Variants in FLRT1 observed in about 807,000 individuals in gnomAD.
FLRT1 encodes fibronectin leucine rich transmembrane protein 1, also known as leucine-rich repeat transmembrane protein FLRT1.
Under a neutral mutation model 30.9 loss-of-function variants are expected in FLRT1, and 14 were observed. The observed-to-expected ratio is 0.45, with a 90% CI of 0.30 to 0.71. FLRT1 has a LOEUF of 0.71. Ranked by LOEUF, FLRT1 falls within the 30% of genes least tolerant of loss-of-function variation. The pLI is 0.08. For synonymous variants in FLRT1, 368 were observed against 430.4 expected, an observed-to-expected ratio of 0.85 and a Z score of 1.80; for missense variants, 737 against 949.2, an observed-to-expected ratio of 0.78 and a Z score of 2.94.
rs534467265 is a variant in FLRT1, at chr11:64,102,370, C to A, written c.-1037-824C>A. ...CTGCGGGTGTTGAGGACTGACCCCCCACCTAGGAAGTGGGGTGGGCACCAG... is the reference window on the plus strand; with the variant it reads ...CTGCGGGTGTTGAGGACTGACCCCCAACCTAGGAAGTGGGGTGGGCACCAG... On this transcript the variant is annotated intron_variant, in intron 1 of 2. Coordinates refer to ENST00000682287, the MANE Select transcript of FLRT1 (RefSeq NM_013280.5). 2.6e-5 allele frequency among the ~76,000 whole-genome samples: 4 copies of A among 152,252 alleles called. No homozygotes were observed. In the South Asian group the frequency reaches 6.2e-4, roughly 24 times the overall value.
At chr11:64,077,610 G>C (rs560332586) in intron 1 of FLRT1, among the ~76,000 whole-genome samples, 2 of 152,084 alleles carry the variant, frequency 1.3e-5, no homozygotes, top group African/African-American at 4.8e-5. Context: ...ACAGACTGAC[G>C]GGCACACACG....
chr11:64,080,146 G>A (rs1234165733), intron 1 of FLRT1, among the ~76,000 whole-genome samples: 1 of 152,174 alleles, frequency 6.6e-6, no homozygotes, highest in Non-Finnish European at 1.5e-5. Flanking sequence ...CCGAGTAGCG[G>A]GGATTACAGG....
intron 1 of FLRT1, among the ~76,000 whole-genome samples, chr11:64,083,597 C>T (rs906858235): frequency 1.3e-5 from 2 of 152,142 alleles, no homozygotes; most frequent in East Asian, 1.9e-4. Flanking sequence ...CTTTCGAGAA[C>T]GAGCCGGGAA....
At chr11:64,045,330 A>G (rs1943563868) in intron 1 of FLRT1, among the ~76,000 whole-genome samples, 1 of 152,208 alleles carries the variant, frequency 6.6e-6, no homozygotes, top group Non-Finnish European at 1.5e-5. Flanking sequence ...CTGGAATCCT[A>G]TTAAAAGCTT....
At chr11:64,079,073 G>A (rs1354046283) in intron 1 of FLRT1, among the ~76,000 whole-genome samples, 1 of 152,092 alleles carries the variant, frequency 6.6e-6, no homozygotes, top group Non-Finnish European at 1.5e-5. Context: ...CGGGGGCGGT[G>A]GGGAGGCGCT....
chr11:64,101,333 G>C (rs1944667238), intron 1 of FLRT1, among the ~76,000 whole-genome samples: 1 of 152,182 alleles, frequency 6.6e-6, no homozygotes, highest in Non-Finnish European at 1.5e-5. Context: ...TCAGGATAAA[G>C]CCGAGAAGCT....
chr11:64,071,447 G>A (rs761825217), intron 1 of FLRT1, among the ~76,000 whole-genome samples: 3 of 152,184 alleles, frequency 2.0e-5, no homozygotes, highest in Non-Finnish European at 4.4e-5. Flanking sequence ...TAACTGGTAT[G>A]GCCAGGGCTG....
intron 1 of FLRT1, among the ~76,000 whole-genome samples, chr11:64,078,259 C>G (rs1944240053): frequency 6.6e-6 from 1 of 152,182 alleles, no homozygotes; most frequent in South Asian, 2.1e-4. Context: ...CAGGTGTGCT[C>G]TCAGCACAGG....
intron 1 of FLRT1, among the ~76,000 whole-genome samples, chr11:64,059,674 TG>T (rs1237383988): frequency 6.6e-6 from 1 of 152,092 alleles, no homozygotes; most frequent in Non-Finnish European, 1.5e-5. Flanking sequence ...GTGGTGCAGA[TG>T]GGGAAACTGA....
chr11:64,074,633 G>A (rs1944169298), intron 1 of FLRT1, among the ~76,000 whole-genome samples: 2 of 152,224 alleles, frequency 1.3e-5, no homozygotes, highest in Non-Finnish European at 1.5e-5. Flanking sequence ...TTTCCCCAAG[G>A]GGGGCTGTGC....
rs537905459 is a variant in FLRT1, at chr11:64,096,225, C to G, written c.-1037-6969C>G. The stretch of plus-strand genomic sequence containing the variant: ...GCACTGTGACGGGCAGGCAGGGGGT[C>G]GAACAGCCACTGTTCTGCCGACAAA... On this transcript the variant is annotated intron_variant, in intron 1 of 2. Coordinates refer to ENST00000682287, the MANE Select transcript of FLRT1 (RefSeq NM_013280.5). This position sits in a 1 kb window ranked among gnomAD's most constrained non-coding sequence, Gnocchi z 4.6. Among the ~76,000 whole-genome samples the G allele has an allele frequency of 6.6e-6, 1 of 152,198 alleles. No homozygotes were observed. Among genetic ancestry groups the G allele is most frequent in the African/African-American group, 2.4e-5 (1 of 41,458 alleles).
chr11:64,081,557 T>G (rs2134492878), intron 1 of FLRT1: 1 of 152,308 alleles, frequency 6.6e-6, no homozygotes, highest in East Asian at 1.9e-4. Flanking sequence ...AAACCACACA[T>G]ATCATGGGTA....
chr11:64,099,009 G>A (rs1398200125), intron 1 of FLRT1, among the ~76,000 whole-genome samples: 1 of 152,246 alleles, frequency 6.6e-6, no homozygotes. Context: ...GAACTGTAAA[G>A]CTGAGGGCCT....
chr11:64,061,872 GCTT>G (rs1943910780), intron 1 of FLRT1, among the ~76,000 whole-genome samples: 1 of 131,914 alleles, frequency 7.6e-6, no homozygotes, highest in Non-Finnish European at 1.5e-5. Context: ...CACCACGCTG[GCTT>G]TTTTTTTTTT....
At chr11:64,043,665 C>T (rs1392195624) in intron 1 of FLRT1, among the ~76,000 whole-genome samples, 1 of 152,180 alleles carries the variant, frequency 6.6e-6, no homozygotes, top group Non-Finnish European at 1.5e-5. Context: ...TTACTGCATA[C>T]AATGCATATT....
chr11:64,080,600 C>A (rs561526490), intron 1 of FLRT1, among the ~76,000 whole-genome samples: 1 of 152,264 alleles, frequency 6.6e-6, no homozygotes, highest in Admixed American at 6.5e-5. Flanking sequence ...AACACGTAGG[C>A]GTTCAGCAAG....
chr11:64,038,475 G>A (rs1332650745), intron 1 of FLRT1, among the ~76,000 whole-genome samples: 1 of 152,210 alleles, frequency 6.6e-6, no homozygotes, highest in Non-Finnish European at 1.5e-5. Flanking sequence ...CCTTGACCCT[G>A]CGGGTGTTGA....
intron 1 of FLRT1, among the ~76,000 whole-genome samples, chr11:64,074,071 G>T (rs1216680712): frequency 2.6e-5 from 4 of 152,180 alleles, no homozygotes; most frequent in African/African-American, 9.7e-5. Context: ...GGATGGGGGT[G>T]GGGGGAATAC....
Position 64,104,186 on chromosome 11 carries a change from G to C in FLRT1, c.-50+5G>C, listed in dbSNP as rs1420873049. ...TGGGCGGCAGCGACGAAGGAGGTAA[G>C]GCCCAAGGACAAGGGAAGAGGGACG... On this transcript the variant is annotated splice_donor_5th_base_variant and intron_variant, in intron 2 of 2. Transcript: ENST00000682287. 1 of 152,372 alleles carries C rather than the reference G, an allele frequency of 6.6e-6. No homozygotes were observed. The highest frequency in any genetic ancestry group is 1.5e-5 in the Non-Finnish European group (1 of 68,074). The allele number at this position is 152,372 out of a possible 1,614,324, so 9.4% of individuals were successfully genotyped here.
Sources: gnomAD v4.1 joint callset for allele counts (sites outside exome capture counted in the v4.1 genomes callset) on GRCh38, gnomAD v4.1.1 for gene constraint, Gnocchi (gnomAD v3.1) non-coding constraint, MANE v1.5 for transcripts, NCBI Gene and HGNC (gene_info 2026-07-23, HGNC 2026-07-21) for gene names.